The following CS variants were observed in gnomAD, a reference collection of about 807,000 sequenced individuals.
CS encodes the protein citrate synthase.
A neutral mutation model predicts 61.4 loss-of-function variants in CS; 13 were observed. That is an observed-to-expected ratio of 0.21 (90% confidence interval 0.14 to 0.34). CS has a LOEUF of 0.34. Ranked by LOEUF, CS falls within the 10% of genes least tolerant of loss-of-function variation. The probability of loss-of-function intolerance (pLI) is 1.00; values close to 1 mark genes in which losing one functional copy is unlikely to be tolerated. For missense variants in CS, 278 were observed against 573.4 expected (o/e 0.48, Z 5.26); for synonymous variants, 159 against 215.2 (o/e 0.74, Z 2.29).
At position 56,272,869 on chromosome 12, in the gene CS, G is replaced by C; in HGVS notation, c.*215C>G. 1 of 502,710 alleles carries C rather than the reference G, an allele frequency of 2.0e-6. No individual in the cohort carries two copies. Among genetic ancestry groups the C allele is most frequent in the Non-Finnish European group, 3.6e-6 (1 of 281,184 alleles). 31.1% of individuals were successfully genotyped at this position (502,710 alleles called of 1,614,324 possible). A position where few individuals can be genotyped will look rare whatever the true frequency, so the allele number is the denominator to read the frequency against. On this transcript the variant is annotated 3_prime_UTR_variant, in exon 11 of 11. Coordinates refer to ENST00000351328, the MANE Select transcript of CS (RefSeq NM_004077.3). The stretch of plus-strand genomic sequence containing the variant: ...ATCCTCCAGGACCATGCGTATGATG[G>C]GCAACTCATACCAGGCAGGGGAAGG...
chr12:56,273,815 A>C lies in CS; in HGVS notation c.1021-19T>G. The C allele has an allele frequency of 6.3e-7, 1 of 1,585,402 alleles. No individual in the cohort carries two copies. Among genetic ancestry groups the C allele is most frequent in the Admixed American group, 1.7e-5 (1 of 59,956 alleles). On this transcript the variant is annotated intron_variant, in intron 9 of 10. Transcript: ENST00000351328. ...GAACAACCTGTAAAGAGTGAGGAAA[A>C]AAGATAGTATTCTCAGTAGAAATTC...
intron 6 of CS, among the ~76,000 whole-genome samples, chr12:56,281,810 G>C (rs1020200422): frequency 2.0e-5 from 3 of 151,972 alleles, no homozygotes; most frequent in Non-Finnish European, 4.4e-5. Context: ...ACCTACCTAG[G>C]TCTCTTTTCC....
At position 56,286,625 on chromosome 12, in the gene CS, A is replaced by C; in HGVS notation, c.63T>G (p.Leu21=). ...AGGAAGCACTGGCATGCCGGGCTGC[A>C]AGAACAAGACAAGATGCATTCTGCA... ...LGTKNASCLV[L]AARHASASST... is the part of the protein sequence containing the mutation. The change falls in exon 2 of 11, where the codon CTT becomes CTG. Residue 21 remains leucine (L), a synonymous_variant. Transcript: ENST00000351328. 6.2e-6 allele frequency: 10 copies of C among 1,614,094 alleles called. No individual in the cohort carries two copies. Among genetic ancestry groups the C allele is most frequent in the Non-Finnish European group, 8.5e-6 (10 of 1,179,962 alleles).
intron 1 of CS, chr12:56,299,834 T>C (rs1379932945): frequency 3.2e-6 from 1 of 312,040 alleles, no homozygotes; most frequent in African/African-American, 2.3e-5. Context: ...CTACCAGAGG[T>C]TCCTGTCTCG....
At chr12:56,293,892 T>C (rs1190967057) in intron 1 of CS, among the ~76,000 whole-genome samples, 1 of 152,200 alleles carries the variant, frequency 6.6e-6, no homozygotes, top group Non-Finnish European at 1.5e-5. Context: ...GAAAAAATCC[T>C]GTACTACAGA....
At chr12:56,292,613 G>A (rs550869067) in intron 1 of CS, among the ~76,000 whole-genome samples, 10 of 148,464 alleles carry the variant, frequency 6.7e-5, no homozygotes, top group East Asian at 6.1e-4. Context: ...GGCCTGGCGC[G>A]GTGGCTCACG....
intron 4 of CS, among the ~76,000 whole-genome samples, chr12:56,283,582 C>T (rs1339336023): frequency 6.6e-6 from 1 of 152,198 alleles, no homozygotes; most frequent in Non-Finnish European, 1.5e-5. Flanking sequence ...CTTCACATAA[C>T]TTACCTCTGG....
intron 6 of CS, among the ~76,000 whole-genome samples, chr12:56,278,120 A>G (rs536801832): frequency 1.6e-4 from 24 of 152,178 alleles, no homozygotes; most frequent in African/African-American, 5.8e-4. Flanking sequence ...CCTAGCTTAC[A>G]TTATTAACTC....
chr12:56,292,765 G>A (rs1004790913), intron 1 of CS, among the ~76,000 whole-genome samples: 10 of 149,978 alleles, frequency 6.7e-5, no homozygotes, highest in South Asian at 2.1e-4. Context: ...TTAGCCGGGC[G>A]TCATGGCGGG....
At chr12:56,293,759 T>C (rs1873207525) in intron 1 of CS, among the ~76,000 whole-genome samples, 1 of 152,102 alleles carries the variant, frequency 6.6e-6, no homozygotes, top group African/African-American at 2.4e-5. Context: ...CAGAAAAACC[T>C]TGCGGAAGAA....
chr12:56,297,074 C>T (rs746160054), intron 1 of CS, among the ~76,000 whole-genome samples: 1 of 152,148 alleles, frequency 6.6e-6, no homozygotes, highest in Non-Finnish European at 1.5e-5. Context: ...TTGAAAAAGT[C>T]TAGAAGTAAT....
At chr12:56,300,085 G>C (rs1873439117) in intron 1 of CS, 75 bp downstream of exon 1, 2 of 1,453,030 alleles carry the variant, frequency 1.4e-6, no homozygotes, top group South Asian at 1.2e-5. Flanking sequence ...GTGGGAGGGA[G>C]ACCCCGGCGC....
chr12:56,299,294 A>G (rs1358743747), intron 1 of CS, among the ~76,000 whole-genome samples: 1 of 152,188 alleles, frequency 6.6e-6, no homozygotes, highest in Non-Finnish European at 1.5e-5. Flanking sequence ...ATTACCTGCA[A>G]CAGTATTTCT....
intron 4 of CS, among the ~76,000 whole-genome samples, chr12:56,283,345 G>A (rs111885306): frequency 6.6e-6 from 1 of 152,136 alleles, no homozygotes; most frequent in Non-Finnish European, 1.5e-5. Flanking sequence ...CTGGGTTCAC[G>A]CCATTCTCCT....
At chr12:56,286,556 C>A in intron 2 of CS, 39 bp downstream of exon 2, 1 of 1,603,198 alleles carries the variant, frequency 6.2e-7, no homozygotes, top group Non-Finnish European at 8.5e-7. Context: ...AGGCTGGCCG[C>A]AATGATTCTT....
At position 56,271,918 on chromosome 12, in the gene CS, T is replaced by G. The variant is rs1243295511; in HGVS notation, c.*1166A>C. 1 of 456,250 alleles carries G rather than the reference T, an allele frequency of 2.2e-6. No individual in the cohort carries two copies. Among genetic ancestry groups the G allele is most frequent in the Non-Finnish European group, 4.4e-6 (1 of 226,764 alleles). 28.3% of individuals were successfully genotyped at this position (456,250 alleles called of 1,614,324 possible). ...TCAAAGAAAAAGAAGTAGAGCATTC[T>G]GAGTTGCTGAAAACCTGTGCAAATG... On this transcript the variant is annotated 3_prime_UTR_variant, in exon 11 of 11. Coordinates refer to ENST00000351328, the MANE Select transcript of CS (RefSeq NM_004077.3).
At chr12:56,294,886 A>G (rs1272658604) in intron 1 of CS, among the ~76,000 whole-genome samples, 1 of 152,106 alleles carries the variant, frequency 6.6e-6, no homozygotes, top group Non-Finnish European at 1.5e-5. Context: ...CTTGTGCCTC[A>G]GCTTCCCTAG....
In CS at chr12:56,272,479, A is replaced by T. The variant is rs1487096227; in HGVS notation, c.*605T>A. 7.2e-6 allele frequency: 1 copy of T among 138,698 alleles called. No homozygotes were observed. Among genetic ancestry groups the T allele is most frequent in the Non-Finnish European group, 1.7e-5 (1 of 59,286 alleles). The allele number at this position is 138,698 out of a possible 1,614,324, so 8.6% of individuals were successfully genotyped here. On this transcript the variant is annotated 3_prime_UTR_variant, in exon 11 of 11. Transcript: ENST00000351328. ...CCTTAATTTTAATTGGATAGTTTTAAAAAAAAAATCAAACATTGGGTGCCA... is the reference window on the plus strand; with the variant it reads ...CCTTAATTTTAATTGGATAGTTTTATAAAAAAAATCAAACATTGGGTGCCA...
At position 56,300,299 on chromosome 12, in the gene CS, G is replaced by A. The variant is rs1873451407; in HGVS notation, c.-98C>T. ...CGCTGCACCAGAGGCCGCGCCGACG[G>A]GTTGACAAGGTTGAAAGGAGGCGGC... On this transcript the variant is annotated 5_prime_UTR_variant, in exon 1 of 11. Transcript: ENST00000351328. 3 of 1,283,288 alleles carry A rather than the reference G, an allele frequency of 2.3e-6. No individual in the cohort carries two copies. The highest frequency in any genetic ancestry group is 2.4e-5 in the Admixed American group (1 of 42,098). The allele number at this position is 1,283,288 out of a possible 1,614,324, so 79.5% of individuals were successfully genotyped here.
Sources: gnomAD v4.1 joint callset for allele counts (sites outside exome capture counted in the v4.1 genomes callset) on GRCh38, gnomAD v4.1.1 for gene constraint, MANE v1.5 for transcripts, NCBI Gene and HGNC (gene_info 2026-07-23, HGNC 2026-07-21) for gene names.